NPC1L1: variants seen among roughly 807,000 people sequenced by gnomAD.
The protein encoded by NPC1L1 is NPC1 like intracellular cholesterol transporter 1.
NPC1L1 carries 98 observed loss-of-function variants against 117.0 expected under a neutral mutation model. That is an observed-to-expected ratio of 0.84 (90% CI 0.71 to 0.99). NPC1L1 has a LOEUF of 0.99. Among genes scored for constraint, NPC1L1 ranks in the 50% least tolerant of loss-of-function variants. NPC1L1 has a pLI of 0.00. For synonymous variants in NPC1L1, 729 were observed against 727.6 expected (o/e 1.00, Z -0.03); for missense variants, 1,540 against 1,710.0 (o/e 0.90, Z 1.75).
At position 44,533,503 on chromosome 7, in the gene NPC1L1, T is replaced by C. The variant is rs776034397; in HGVS notation, c.2337A>G (p.Ala779=). ...TCTGCAGGAGGAAGTCAAGGATCAC[T>C]GCAAGGCCAGAGGTCAGGGCAAAGG... ...VRTFALTSGL[A]VILDFLLQMS... is the part of the protein sequence containing the mutation. The change falls in exon 8 of 19, where the codon GCA becomes GCG. Residue 779 remains alanine (A), a synonymous_variant. Transcript: ENST00000381160. The C allele has an allele frequency of 3.1e-6, 5 of 1,614,050 alleles. No individual in the cohort carries two copies. In the African/African-American group the frequency reaches 4.0e-5, roughly 13 times the overall value.
In NPC1L1 at chr7:44,513,611, G is replaced by T. The variant is rs141226339; in HGVS notation, c.3835C>A (p.Arg1279=). The T allele has an allele frequency of 5.0e-6, 8 of 1,613,612 alleles. No individual in the cohort carries two copies. Among genetic ancestry groups the T allele is most frequent in the East Asian group, 4.5e-5 (2 of 44,882 alleles). The part of the protein sequence containing the change: ...VNPALALEQK[R]AEEAVAAVMV... ...ACTGCTGCCACCGCCTCCTCAGCCC[G>T]CTTCTGCTCCAGTGCCAGAGCCGGG... Residue 1279 remains arginine, a synonymous_variant, in exon 19 of 19, where the codon CGG becomes AGG. Transcript: ENST00000381160.
chr7:44,531,911 A>C (rs956354896), intron 9 of NPC1L1, 67 bp from the exon 10 acceptor site: 2 of 1,527,832 alleles, frequency 1.3e-6, no homozygotes, highest in East Asian at 4.8e-5. Flanking sequence ...CCACAAATTT[A>C]AGTCAGTCAG....
intron 15 of NPC1L1, 41 bp from the exon 16 acceptor site, chr7:44,516,975 G>T: frequency 6.3e-7 from 1 of 1,578,904 alleles, no homozygotes; most frequent in African/African-American, 1.3e-5. Context: ...CAGGCCTCTG[G>T]GGCCCTCATG....
At chr7:44,529,816 A>G (rs1406647494) in intron 10 of NPC1L1, among the ~76,000 whole-genome samples, 2 of 151,960 alleles carry the variant, frequency 1.3e-5, no homozygotes, top group Admixed American at 1.3e-4. Context: ...CAGGCAGATC[A>G]CAAGGTCCAG....
rs1801910151 is a variant in NPC1L1, at chr7:44,536,808, T to C, written c.1681+34A>G. On this transcript the variant is annotated intron_variant, in intron 3 of 18. Transcript: ENST00000381160. The surrounding 1 kb of genome is among the most constrained non-coding windows in gnomAD (Gnocchi z 4.7). ...TGGTTCCTGCCCCAATACTGCATCT[T>C]CCTTGGCTTCCTCTCAGGGCCCACT... The C allele has an allele frequency of 1.3e-6, 2 of 1,565,224 alleles. No homozygotes were observed. Among genetic ancestry groups the C allele is most frequent in the Middle Eastern group, 1.7e-4 (1 of 5,990 alleles).
At position 44,536,947 on chromosome 7, in the gene NPC1L1, A is replaced by C; in HGVS notation, c.1581-5T>G. The C allele has an allele frequency of 6.2e-7, 1 of 1,613,032 alleles. No homozygotes were observed. The highest frequency in any genetic ancestry group is 8.5e-7 in the Non-Finnish European group (1 of 1,179,398). ...TCCTTGAAGGTGAGCGGGGCACTAG[A>C]GGGAGATGACCGCAAAGGGAAAGGG... On this transcript the variant is annotated splice_region_variant and splice_polypyrimidine_tract_variant and intron_variant, in intron 2 of 18. Coordinates refer to ENST00000381160, the MANE Select transcript of NPC1L1 (RefSeq NM_001101648.2). This position sits in a 1 kb window ranked among gnomAD's most constrained non-coding sequence, Gnocchi z 4.7.
In NPC1L1 at chr7:44,513,112, A is replaced by G. The variant is rs547818138; in HGVS notation, c.*335T>C. The G allele has an allele frequency of 2.3e-5, 9 of 392,896 alleles. No individual in the cohort carries two copies. The highest frequency in any genetic ancestry group is 3.9e-5 in the Non-Finnish European group (8 of 206,284). The allele number at this position is 392,896 out of a possible 1,614,324, so 24.3% of individuals were successfully genotyped here. ...TCGAGAGAGGAACTGAGAAGGGAAAAGTTGGATGAGAAGTGGGCTCCTAGG... is the reference window on the plus strand; with the variant it reads ...TCGAGAGAGGAACTGAGAAGGGAAAGGTTGGATGAGAAGTGGGCTCCTAGG... On this transcript the variant is annotated 3_prime_UTR_variant, in exon 19 of 19. Transcript: ENST00000381160.
At position 44,534,638 on chromosome 7, in the gene NPC1L1, C is replaced by A; in HGVS notation, c.1984-9G>T. 2 of 1,613,700 alleles carry A rather than the reference C, an allele frequency of 1.2e-6. No homozygotes were observed. The highest frequency in any genetic ancestry group is 1.7e-6 in the Non-Finnish European group (2 of 1,179,870). On this transcript the variant is annotated splice_polypyrimidine_tract_variant and intron_variant, in intron 5 of 18. Coordinates refer to ENST00000381160, the MANE Select transcript of NPC1L1 (RefSeq NM_001101648.2). The surrounding 1 kb of genome is among the most constrained non-coding windows in gnomAD (Gnocchi z 5.2). ...GTGGCCTTGGAGTCCACCTGCAATGCAAACAGGCTCAGCCCCCTAGCCACT... is the reference window on the plus strand; with the variant it reads ...GTGGCCTTGGAGTCCACCTGCAATGAAAACAGGCTCAGCCCCCTAGCCACT...
At position 44,534,494 on chromosome 7, in the gene NPC1L1, G is replaced by A. The variant is rs1801804734; in HGVS notation, c.2119C>T (p.Leu707=). ...VILQVVPFLV[L]SVGADNIFIF... ...AAGATGTTATCAGCCCCCACGGACA[G>A]CACCAGGAAAGGAACCACTTGCAGG... is the stretch of plus-strand genomic sequence containing the variant. Residue 707 remains leucine, a synonymous_variant, in exon 6 of 19, where the codon CTG becomes TTG. Coordinates refer to ENST00000381160, the MANE Select transcript of NPC1L1 (RefSeq NM_001101648.2). This position sits in a 1 kb window ranked among gnomAD's most constrained non-coding sequence, Gnocchi z 5.2. 1 of 1,614,162 alleles carries A rather than the reference G, an allele frequency of 6.2e-7. No individual in the cohort carries two copies. Among genetic ancestry groups the A allele is most frequent in the Non-Finnish European group, 8.5e-7 (1 of 1,180,016 alleles).
chr7:44,514,709 A>G (rs1477238679), intron 18 of NPC1L1, among the ~76,000 whole-genome samples: 3 of 150,520 alleles, frequency 2.0e-5, no homozygotes, highest in Non-Finnish European at 4.4e-5. Flanking sequence ...TTAAAAACAA[A>G]TTAATGATAG....
chr7:44,530,718 C>T (rs546113430), intron 10 of NPC1L1, among the ~76,000 whole-genome samples: 47 of 152,302 alleles, frequency 3.1e-4, no homozygotes, highest in African/African-American at 1.0e-3. Flanking sequence ...AGACCCTCTT[C>T]ACCTCAGCCC....
rs763395993 is a variant in NPC1L1, at chr7:44,532,141, A to G, written c.2486T>C (p.Leu829Pro). The part of the protein sequence containing the change: ...PPPGQGEGLL[L>P]GFFQKAYAPF... Reference sequence around the variant, plus strand: ...GGCATAAGCCTTTTGGAAGAAGCCAAGCAGGAGCCCCTCTCCCTGGCCAGG... The same window carrying G: ...GGCATAAGCCTTTTGGAAGAAGCCAGGCAGGAGCCCCTCTCCCTGGCCAGG... Residue 829 changes from leucine to proline, a missense_variant, in exon 9 of 19, where the codon CTT becomes CCT. Transcript: ENST00000381160. 27 of 1,613,980 alleles carry G rather than the reference A, an allele frequency of 1.7e-5. No homozygotes were observed. Among genetic ancestry groups the G allele is most frequent in the African/African-American group, 6.7e-5 (5 of 74,900 alleles).
Position 44,539,961 on chromosome 7 carries a change from C to G in NPC1L1, c.436G>C (p.Gly146Arg), listed in dbSNP as rs778117861. 3 of 1,614,122 alleles carry G rather than the reference C, an allele frequency of 1.9e-6. No homozygotes were observed. The highest frequency in any genetic ancestry group is 2.2e-5 in the South Asian group (2 of 91,092). Reference sequence around the variant, plus strand: ...ACCACAGCTGGGAGTTGTCCAGCCCCTAGCTGGGCCACGCGGGTCACATTG... The same window carrying G: ...ACCACAGCTGGGAGTTGTCCAGCCCGTAGCTGGGCCACGCGGGTCACATTG... Reference protein sequence around the residue: ...FINVTRVAQLGAGQLPAVVAY... With the variant: ...FINVTRVAQLRAGQLPAVVAY... Residue 146 changes from glycine to arginine, a missense_variant, in exon 2 of 19, where the codon GGG becomes CGG. By Grantham distance (125) the Gly-to-Arg change is moderately radical. Around this residue, in one of 3 missense-constraint regions of NPC1L1, gnomAD observed 793 missense variants for 820.4 expected, o/e 0.97. Transcript: ENST00000381160. The surrounding 1 kb of genome is among the most constrained non-coding windows in gnomAD (Gnocchi z 4.4).
chr7:44,515,988 TCAGG>T (rs751425794), intron 17 of NPC1L1, 23 bp from the exon 18 acceptor site: 12 of 1,571,600 alleles, frequency 7.6e-6, no homozygotes, highest in Non-Finnish European at 1.0e-5. Context: ...GAGCCAGGTG[TCAGG>T]CAGGGCACAG....
intron 16 of NPC1L1, 52 bp from the exon 17 acceptor site, chr7:44,516,249 C>T (rs777860197): frequency 1.3e-6 from 2 of 1,485,248 alleles, no homozygotes; most frequent in Non-Finnish European, 1.8e-6. Context: ...GGGGAAGGAA[C>T]TAGGGAGATG....
In NPC1L1 at chr7:44,539,211, A is replaced by C; in HGVS notation, c.1186T>G (p.Phe396Val). Residue 396 changes from phenylalanine (F) to valine (V), a missense_variant, in exon 2 of 19, where the codon TTC becomes GTC. Physicochemically the swap from Phe to Val is conservative, Grantham distance 50 (BLOSUM62 -1). This residue lies in a region of NPC1L1 where 793 missense variants were observed against 820.4 expected (regional missense o/e 0.97). Transcript: ENST00000381160. The surrounding 1 kb of genome is among the most constrained non-coding windows in gnomAD (Gnocchi z 4.4). ...AAGGGGCCGAAATGCTGGTCATGGA[A>C]AGCTTTCTCACTCCGGGCTTGGCTG... ...PNSQARSEKAFHDQHFGPFFR... is the reference protein window; with the variant it reads ...PNSQARSEKAVHDQHFGPFFR... The C allele has an allele frequency of 6.2e-7, 1 of 1,614,076 alleles. No individual in the cohort carries two copies. Among genetic ancestry groups the C allele is most frequent in the Non-Finnish European group, 8.5e-7 (1 of 1,180,038 alleles).
At position 44,521,852 on chromosome 7, in the gene NPC1L1, G is replaced by C. The variant is rs1344375962; in HGVS notation, c.2829-16C>G. The C allele has an allele frequency of 1.2e-6, 2 of 1,613,894 alleles. No individual in the cohort carries two copies. The highest frequency in any genetic ancestry group is 2.2e-5 in the East Asian group (1 of 44,896). On this transcript the variant is annotated splice_polypyrimidine_tract_variant and intron_variant, in intron 11 of 18. Coordinates refer to ENST00000381160, the MANE Select transcript of NPC1L1 (RefSeq NM_001101648.2). ...CAGGTAAGACCTAAGGGGCAGGTGG[G>C]AGGAAGGGTGAAAAGGCCAGCTGGG... is the stretch of plus-strand genomic sequence containing the variant.
Position 44,516,728 on chromosome 7 carries a change from G to A in NPC1L1, c.3494C>T (p.Ala1165Val). ...CGAGACCAGGTTGATGAGGGACACAGCATTGTAACTGATGCCCCACAGGGC... is the reference window on the plus strand; with the variant it reads ...CGAGACCAGGTTGATGAGGGACACAACATTGTAACTGATGCCCCACAGGGC... ...FMALWGISYN[A>V]VSLINLVSAV... The change falls in exon 16 of 19, where the codon GCT (alanine) becomes GTT (valine). Residue 1165 changes from alanine to valine, a missense_variant. Coordinates refer to ENST00000381160, the MANE Select transcript of NPC1L1 (RefSeq NM_001101648.2). 2 of 1,612,018 alleles carry A rather than the reference G, an allele frequency of 1.2e-6. No individual in the cohort carries two copies. Among genetic ancestry groups the A allele is most frequent in the South Asian group, 1.1e-5 (1 of 90,620 alleles).
chr7:44,533,231 A>G (rs1388586843), intron 8 of NPC1L1, 200 bp downstream of exon 8: 4 of 569,020 alleles, frequency 7.0e-6, no homozygotes, highest in Non-Finnish European at 1.2e-5. Context: ...GTTTGATTAT[A>G]TTTAAAAAAT....
Sources: allele counts gnomAD v4.1 joint callset (sites outside exome capture counted in the v4.1 genomes callset), GRCh38; gene constraint gnomAD v4.1.1; regional missense constraint gnomAD v4.1.1; non-coding constraint Gnocchi (gnomAD v3.1); transcripts MANE v1.5; gene names NCBI Gene and HGNC (gene_info 2026-07-23, HGNC 2026-07-21).